The following NTNG2 variants were observed in gnomAD, a reference collection of about 807,000 sequenced individuals.
NTNG2 encodes the protein netrin-G2.
NTNG2 carries 15 observed loss-of-function variants against 47.6 expected under a neutral mutation model. The observed-to-expected ratio is 0.32, with a 90% confidence interval of 0.21 to 0.49. The LOEUF (loss-of-function observed/expected upper bound fraction) is 0.49, where lower values mean the gene tolerates loss of function less well. Among genes scored for constraint, NTNG2 ranks in the 20% least tolerant of loss-of-function variants. NTNG2 has a pLI of 0.99. For missense variants in NTNG2, 578 were observed against 764.6 expected (o/e 0.76, Z 2.88); for synonymous variants, 307 against 324.6 (o/e 0.95, Z 0.58).
intron 3 of NTNG2, among the ~76,000 whole-genome samples, chr9:132,203,010 C>G (rs1428397285): frequency 6.6e-6 from 1 of 152,042 alleles, no homozygotes; most frequent in African/African-American, 2.4e-5. Context: ...ATCCCAGTGT[C>G]TCATTCCTCT....
chr9:132,174,670 C>T (rs1012776557), intron 2 of NTNG2, among the ~76,000 whole-genome samples: 1 of 152,096 alleles, frequency 6.6e-6, no homozygotes, highest in African/African-American at 2.4e-5. Context: ...GCCTGTAATC[C>T]CAGCTCTGTG....
intron 1 of NTNG2, among the ~76,000 whole-genome samples, chr9:132,164,303 C>T (rs1835333157): frequency 6.6e-6 from 1 of 152,108 alleles, no homozygotes; most frequent in African/African-American, 2.4e-5. Flanking sequence ...GCGCCGCGCG[C>T]GCCGCTCGCC....
At chr9:132,184,823 G>A (rs1173783675) in intron 2 of NTNG2, among the ~76,000 whole-genome samples, 1 of 152,228 alleles carries the variant, frequency 6.6e-6, no homozygotes, top group African/African-American at 2.4e-5. Context: ...TTGGGAGGCT[G>A]AGGTAGGAGA....
intron 5 of NTNG2, among the ~76,000 whole-genome samples, chr9:132,234,937 A>G (rs1367242571): frequency 6.6e-6 from 1 of 152,250 alleles, no homozygotes; most frequent in Non-Finnish European, 1.5e-5. Context: ...CAAGAAGCGG[A>G]AAACAGCAGC....
At position 132,162,647 on chromosome 9, in the gene NTNG2, T is replaced by C. The variant is rs1437611769; in HGVS notation, c.-484+408T>C. Among the ~76,000 whole-genome samples, 1 of 148,364 alleles carries C rather than the reference T, an allele frequency of 6.7e-6. No homozygotes were observed. The highest frequency in any genetic ancestry group is 6.8e-5 in the Admixed American group (1 of 14,770). On this transcript the variant is annotated intron_variant, in intron 1 of 7. Coordinates refer to ENST00000393229, the MANE Select transcript of NTNG2 (RefSeq NM_032536.4). This position sits in a 1 kb window ranked among gnomAD's most constrained non-coding sequence, Gnocchi z 4.6. ...GAGGGATGTTGCAAGGATGCTCGGA[T>C]GTGTCTCGGAAAAGGAAACTAACCC... is the stretch of plus-strand genomic sequence containing the variant.
Position 132,231,685 on chromosome 9 carries a change from TGGCCACTGC to T in NTNG2, c.1054+1097_1054+1105del, listed in dbSNP as rs1246536798. 1 of 246,666 alleles carries T rather than the reference TGGCCACTGC, an allele frequency of 4.1e-6. No homozygotes were observed. Among genetic ancestry groups the T allele is most frequent in the Non-Finnish European group, 8.1e-6 (1 of 122,740 alleles). The allele number at this position is 246,666 out of a possible 1,614,324, so 15.3% of individuals were successfully genotyped here. On this transcript the variant is annotated intron_variant, in intron 5 of 7. Coordinates refer to ENST00000393229, the MANE Select transcript of NTNG2 (RefSeq NM_032536.4). This position sits in a 1 kb window ranked among gnomAD's most constrained non-coding sequence, Gnocchi z 4.1. ...AAAGACCCCGACCCCAAAGGCCCTG[TGGCCACTGC>T]GGCCACCACAGCCATGACAGGGGCC...
chr9:132,200,655 T>C (rs923685347), intron 3 of NTNG2, among the ~76,000 whole-genome samples: 2 of 152,168 alleles, frequency 1.3e-5, no homozygotes, highest in Non-Finnish European at 2.9e-5. Flanking sequence ...TGACGGTGTG[T>C]GTGGATTCCA....
At chr9:132,199,249 T>G (rs1343928627) in intron 3 of NTNG2, among the ~76,000 whole-genome samples, 1 of 152,128 alleles carries the variant, frequency 6.6e-6, no homozygotes, top group African/African-American at 2.4e-5. Context: ...GTCCACTGAC[T>G]CAGTGAATGG....
chr9:132,204,102 G>T (rs1838985133), intron 3 of NTNG2, among the ~76,000 whole-genome samples: 1 of 152,222 alleles, frequency 6.6e-6, no homozygotes, highest in Non-Finnish European at 1.5e-5. Flanking sequence ...TACGTGCCAG[G>T]CATTGCATCC....
intron 2 of NTNG2, among the ~76,000 whole-genome samples, chr9:132,191,866 C>T (rs1001605663): frequency 1.3e-5 from 2 of 152,154 alleles, no homozygotes; most frequent in Admixed American, 6.5e-5. Flanking sequence ...CCACCGCGCC[C>T]GGCCATTACC....
At chr9:132,175,671 C>T (rs951443539) in intron 2 of NTNG2, among the ~76,000 whole-genome samples, 3 of 152,218 alleles carry the variant, frequency 2.0e-5, no homozygotes, top group South Asian at 2.1e-4. Flanking sequence ...TCTAATTCCC[C>T]GAGCACACAC....
intron 2 of NTNG2, among the ~76,000 whole-genome samples, chr9:132,194,828 C>T (rs879744533): frequency 3.9e-5 from 6 of 152,254 alleles, no homozygotes; most frequent in Non-Finnish European, 7.3e-5. Context: ...GGGGACCTGT[C>T]CTTCACCCTA....
rs1041501 is a variant in NTNG2, at chr9:132,197,600, C to G, written c.214-366C>G. 0.54 allele frequency among the ~76,000 whole-genome samples: 81,756 copies of G among 151,780 alleles called. 24,013 individuals are homozygous for G. The highest frequency in any genetic ancestry group is 0.79 in the African/African-American group (32,765 of 41,392). On this transcript the variant is annotated intron_variant, in intron 2 of 7. Coordinates refer to ENST00000393229, the MANE Select transcript of NTNG2 (RefSeq NM_032536.4). The surrounding 1 kb of genome is among the most constrained non-coding windows in gnomAD (Gnocchi z 4.3). ...GCTGTCCCGGGGAGGCCCAGGCACA[C>G]TGTCACCAGGTGTGGGAGGGCAGGT...
chr9:132,216,509 C>G (rs1049366985), intron 3 of NTNG2, among the ~76,000 whole-genome samples: 3 of 148,814 alleles, frequency 2.0e-5, no homozygotes, highest in East Asian at 4.0e-4. Flanking sequence ...GAGCTAAAGC[C>G]GTAGGATTCT....
rs2130880645 is a variant in NTNG2 at position 132,218,586 on chromosome 9, T to G, written c.858-8263T>G. 6.6e-6 allele frequency among the ~76,000 whole-genome samples: 1 copy of G among 152,266 alleles called. No homozygotes were observed. On this transcript the variant is annotated intron_variant, in intron 3 of 7. Coordinates refer to ENST00000393229, the MANE Select transcript of NTNG2 (RefSeq NM_032536.4). This position sits in a 1 kb window ranked among gnomAD's most constrained non-coding sequence, Gnocchi z 5.4. ...ACCTCGGCCTACTGCAACCTCCACC[T>G]GTTGGGTTCAAGCGATCCTCCTGCC...
At position 132,175,553 on chromosome 9, in the gene NTNG2, C is replaced by T. The variant is rs114294878; in HGVS notation, c.213+8509C>T. Among the ~76,000 whole-genome samples, 1,312 of 152,280 alleles carry T rather than the reference C, an allele frequency of 8.6e-3. 16 individuals carry two copies. Among genetic ancestry groups the T allele is most frequent in the African/African-American group, 0.03 (1,232 of 41,548 alleles). On this transcript the variant is annotated intron_variant, in intron 2 of 7. Coordinates refer to ENST00000393229, the MANE Select transcript of NTNG2 (RefSeq NM_032536.4). Reference sequence around the variant, plus strand: ...CCTAGAGGGGCCGGGCCATGAGGAACAGGAGAAACGGCAGATGATGCGGGA... The same window carrying T: ...CCTAGAGGGGCCGGGCCATGAGGAATAGGAGAAACGGCAGATGATGCGGGA...
At chr9:132,183,147 T>A (rs569244762) in intron 2 of NTNG2, among the ~76,000 whole-genome samples, 1 of 152,162 alleles carries the variant, frequency 6.6e-6, no homozygotes, top group Non-Finnish European at 1.5e-5. Context: ...AGGTGCTCCA[T>A]CCTCCTTCTG....
At chr9:132,203,597 A>C (rs1412871882) in intron 3 of NTNG2, among the ~76,000 whole-genome samples, 1 of 152,038 alleles carries the variant, frequency 6.6e-6, no homozygotes. Flanking sequence ...AGTTGTTTAA[A>C]CTCTGTGCAA....
intron 3 of NTNG2, among the ~76,000 whole-genome samples, chr9:132,200,506 G>T (rs949357222): frequency 6.6e-6 from 1 of 152,234 alleles, no homozygotes; most frequent in African/African-American, 2.4e-5. Context: ...GTACAGGACC[G>T]GGAAAAACAT....
Sources: gnomAD v4.1 joint callset for allele counts (sites outside exome capture counted in the v4.1 genomes callset) on GRCh38, gnomAD v4.1.1 for gene constraint, Gnocchi (gnomAD v3.1) non-coding constraint, MANE v1.5 for transcripts, NCBI Gene and HGNC (gene_info 2026-07-23, HGNC 2026-07-21) for gene names.